The following NBPF26 variants were observed in gnomAD, a reference collection of about 807,000 sequenced individuals.
NBPF26 encodes NBPF member 26.
A neutral mutation model predicts 119.6 loss-of-function variants in NBPF26; 79 were observed. The observed-to-expected ratio is 0.66, with a 90% CI of 0.55 to 0.80. NBPF26 has a LOEUF of 0.80. Ranked by LOEUF, NBPF26 falls within the 30% of genes least tolerant of loss-of-function variation. The probability of loss-of-function intolerance (pLI) is 0.00; values close to 1 mark genes in which losing one functional copy is unlikely to be tolerated. For missense variants in NBPF26, 800 were observed against 1,198.2 expected (o/e 0.67, Z 4.91); for synonymous variants, 299 against 457.7 (o/e 0.65, Z 4.43).
chr1:120,805,390 G>A lies in NBPF26; in HGVS notation c.752-166G>A, dbSNP rs1553269610. 18 of 1,136,204 alleles carry A rather than the reference G, an allele frequency of 1.6e-5. 1 individual carries two copies. Among genetic ancestry groups the A allele is most frequent in the East Asian group, 1.0e-4 (4 of 39,874 alleles). The allele number at this position is 1,136,204 out of a possible 1,614,324, so 70.4% of individuals were successfully genotyped here. ...TTTCAGCTCTGAGTTGAGGCACCTC[G>A]AACCTTGTTTTTGTGGTGAAGGATC... On this transcript the variant is annotated intron_variant, in intron 4 of 29. Transcript: ENST00000620612.
chr1:120,822,997 C>T (rs1251461305), intron 16 of NBPF26, among the ~76,000 whole-genome samples: 2 of 125,472 alleles, frequency 1.6e-5, no homozygotes, highest in Admixed American at 7.7e-5. Context: ...AGTATCTCTC[C>T]TATGAGGTGT....
chr1:120,764,156 A>G lies in NBPF26; in HGVS notation c.155+447A>G, dbSNP rs1478320001. 1.8e-5 allele frequency among the ~76,000 whole-genome samples: 2 copies of G among 113,476 alleles called. 1 individual carries two copies. Among genetic ancestry groups the G allele is most frequent in the Non-Finnish European group, 3.4e-5 (2 of 59,284 alleles). The allele number at this position is 113,476 out of a possible 152,430, so 74.4% of individuals were successfully genotyped here. On this transcript the variant is annotated intron_variant, in intron 2 of 29. Coordinates refer to ENST00000620612, the Ensembl canonical transcript of NBPF26. ...CAGCTACTCGGGAGGCTGAGGCAGG[A>G]GAGTGACTTGAACCCAGGAGGCGGA...
chr1:120,815,320 G>A (rs1276607558), intron 12 of NBPF26, among the ~76,000 whole-genome samples: 1 of 117,050 alleles, frequency 8.5e-6, no homozygotes, highest in African/African-American at 5.0e-5. Flanking sequence ...AGGAGGCTGG[G>A]ATGGGAGCAG....
rs1651076719 is a variant in NBPF26 at position 120,756,020 on chromosome 1, T to C, written c.74-7608T>C. Among the ~76,000 whole-genome samples, 4 of 112,948 alleles carry C rather than the reference T, an allele frequency of 3.5e-5. 1 individual carries two copies. In the South Asian group the frequency reaches 1.0e-3, roughly 29 times the overall value. 74.1% of individuals were successfully genotyped at this position (112,948 alleles called of 152,430 possible). On this transcript the variant is annotated intron_variant, in intron 1 of 29. Coordinates refer to ENST00000620612, the Ensembl canonical transcript of NBPF26. Reference sequence around the variant, plus strand: ...TTTCTCCACTTCGTTTTTATTTAAATGTACCACTTGGGATTTGAAGCTTCC... The same window carrying C: ...TTTCTCCACTTCGTTTTTATTTAAACGTACCACTTGGGATTTGAAGCTTCC...
chr1:120,763,403 G>T (rs1651154066), intron 1 of NBPF26, among the ~76,000 whole-genome samples: 1 of 106,562 alleles, frequency 9.4e-6, no homozygotes. Context: ...AAAACACAGA[G>T]AAATAAGAGC....
At chr1:120,810,249 C>A in intron 8 of NBPF26, 98 bp from the exon 9 acceptor site, 2 of 1,404,280 alleles carry the variant, frequency 1.4e-6, no homozygotes. Flanking sequence ...TCTGGAACCA[C>A]TCTCTTAATG....
chr1:120,823,752 C>CTGTGTGTGTGTGTG (rs1177031452), intron 17 of NBPF26, among the ~76,000 whole-genome samples: 2,506 of 73,246 alleles, frequency 0.034, 273 homozygotes, highest in African/African-American at 0.1. Flanking sequence ...TGAGCTCGCT[C>CTGTGTGTGTGTGTG]TGTGTGTGTG....
rs1553269683 is a variant in NBPF26, at chr1:120,805,562, A to G, written c.758A>G (p.Asp253Gly). ...TTGGGTTTCTTCTCCCCAGTCCCTG[A>G]CTCCACCTCTTCTGCCACAAACGTC... Residue 253 changes from aspartate (D) to glycine (G), a missense_variant, in exon 5 of 30, where the codon GAC (aspartate) becomes GGC (glycine). Transcript: ENST00000620612. 2.0e-3 allele frequency: 2,828 copies of G among 1,407,822 alleles called. 829 individuals carry two copies. The African/African-American group carries it at 0.054, about 27-fold the overall frequency. The allele number at this position is 1,407,822 out of a possible 1,614,324, so 87.2% of individuals were successfully genotyped here. A position where few individuals can be genotyped will look rare whatever the true frequency, so the allele number is the denominator to read the frequency against.
At position 120,728,110 on chromosome 1, in the gene NBPF26, C is replaced by T. The variant is rs1414793764; in HGVS notation, c.73+3860C>T. Among the ~76,000 whole-genome samples the T allele has an allele frequency of 1.4e-4, 16 of 116,350 alleles. 5 individuals are homozygous for T. The highest frequency in any genetic ancestry group is 7.1e-4 in the African/African-American group (14 of 19,796). 76.3% of individuals were successfully genotyped at this position (116,350 alleles called of 152,430 possible). On this transcript the variant is annotated intron_variant, in intron 1 of 29. Transcript: ENST00000620612. ...GTTGCTTCCATCTCGTGTACAAATGCGCTTATGTGCACAAAAACTCTTATA... is the reference window on the plus strand; with the variant it reads ...GTTGCTTCCATCTCGTGTACAAATGTGCTTATGTGCACAAAAACTCTTATA...
At position 120,778,489 on chromosome 1, in the gene NBPF26, T is replaced by A. The variant is rs1427585241; in HGVS notation, c.156-6485T>A. ...CGTTCCACATTCTGTATAGTTTTTTTAAAAATCATGATTTTGAAATAGCTG... is the reference window on the plus strand; with the variant it reads ...CGTTCCACATTCTGTATAGTTTTTTAAAAAATCATGATTTTGAAATAGCTG... On this transcript the variant is annotated intron_variant, in intron 2 of 29. Transcript: ENST00000620612. 6.8e-5 allele frequency among the ~76,000 whole-genome samples: 7 copies of A among 102,786 alleles called. 2 individuals are homozygous for A. The highest frequency in any genetic ancestry group is 3.8e-4 in the Admixed American group (4 of 10,520). 67.4% of individuals were successfully genotyped at this position (102,786 alleles called of 152,430 possible).
intron 15 of NBPF26, 115 bp from the exon 16 acceptor site, chr1:120,821,988 GC>G (rs1652127771): frequency 8.9e-7 from 1 of 1,126,548 alleles, no homozygotes; most frequent in African/African-American, 2.6e-5. Context: ...AAGGAAAAAT[GC>G]CTTTGGTTTC....
At position 120,770,849 on chromosome 1, in the gene NBPF26, G is replaced by A. The variant is rs1280776124; in HGVS notation, c.155+7140G>A. Among the ~76,000 whole-genome samples, 4 of 116,858 alleles carry A rather than the reference G, an allele frequency of 3.4e-5. 1 individual carries two copies. Among genetic ancestry groups the A allele is most frequent in the African/African-American group, 2.0e-4 (4 of 20,112 alleles). 76.7% of individuals were successfully genotyped at this position (116,858 alleles called of 152,430 possible). The stretch of plus-strand genomic sequence containing the variant: ...TGGAACATTTGAAAGTATACAAAAA[G>A]GGGACTTTTCAGATCAGGAATATGA... On this transcript the variant is annotated intron_variant, in intron 2 of 29. Coordinates refer to ENST00000620612, the Ensembl canonical transcript of NBPF26.
rs1344473212 is a variant in NBPF26, at chr1:120,778,097, G to A, written c.156-6877G>A. Among the ~76,000 whole-genome samples, 16 of 85,278 alleles carry A rather than the reference G, an allele frequency of 1.9e-4. 3 individuals are homozygous for A. The South Asian group carries it at 4.3e-3, about 23-fold the overall frequency. 55.9% of individuals were successfully genotyped at this position (85,278 alleles called of 152,430 possible). ...TATCTACTTTAACAGGGGGGACAGA[G>A]TAGGGGGGCAGGAAACTAAGCTGGC... On this transcript the variant is annotated intron_variant, in intron 2 of 29. Transcript: ENST00000620612.
rs1651937473 is a variant in NBPF26, at chr1:120,813,878, T to C, written c.1775-13T>C. ...AGCCTTCCACTGAGGCAGGTGTGTCTGTCTTTTCTCAGAATATGAAGAGTG... is the reference window on the plus strand; with the variant it reads ...AGCCTTCCACTGAGGCAGGTGTGTCCGTCTTTTCTCAGAATATGAAGAGTG... On this transcript the variant is annotated splice_polypyrimidine_tract_variant and intron_variant, in intron 10 of 29. Coordinates refer to ENST00000620612, the Ensembl canonical transcript of NBPF26. 2.0e-5 allele frequency: 30 copies of C among 1,464,942 alleles called. 4 individuals carry two copies. The South Asian group carries it at 2.7e-4, about 13-fold the overall frequency. The allele number at this position is 1,464,942 out of a possible 1,614,324, so 90.7% of individuals were successfully genotyped here.
rs1195137305 is a variant in NBPF26, at chr1:120,840,283, A to C, written c.4104-67A>C. 1.1e-5 allele frequency: 16 copies of C among 1,443,892 alleles called. 5 individuals are homozygous for C. The African/African-American group carries it at 3.3e-4, about 30-fold the overall frequency. 89.4% of individuals were successfully genotyped at this position (1,443,892 alleles called of 1,614,324 possible). A position where few individuals can be genotyped will look rare whatever the true frequency, so the allele number is the denominator to read the frequency against. On this transcript the variant is annotated intron_variant, in intron 29 of 29. Transcript: ENST00000620612. ...AACCACTTCCTTATGTTACTTCTGA[A>C]ATCTAGTGGGGCTCTGTGGTGTCCG...
At chr1:120,727,302 T>G (rs1427172162) in intron 1 of NBPF26, among the ~76,000 whole-genome samples, 1 of 103,264 alleles carries the variant, frequency 9.7e-6, no homozygotes, top group Non-Finnish European at 1.8e-5. Flanking sequence ...ACATTTTTTT[T>G]TACCTTCAGG....
rs1188997962 is a variant in NBPF26, at chr1:120,817,152, G to A, written c.2371+325G>A. The stretch of plus-strand genomic sequence containing the variant: ...ATTAAGTCATCTGTCCCTGAACAAT[G>A]TCCATGGAGTTTCTATGCCTGTTTA... On this transcript the variant is annotated intron_variant, in intron 14 of 29. Coordinates refer to ENST00000620612, the Ensembl canonical transcript of NBPF26. 6.0e-5 allele frequency among the ~76,000 whole-genome samples: 7 copies of A among 116,444 alleles called. 2 individuals carry two copies. Among genetic ancestry groups the A allele is most frequent in the African/African-American group, 1.5e-4 (3 of 19,816 alleles). The allele number at this position is 116,444 out of a possible 152,430, so 76.4% of individuals were successfully genotyped here.
intron 2 of NBPF26, among the ~76,000 whole-genome samples, chr1:120,776,305 A>G (rs1651306298): frequency 9.5e-6 from 1 of 105,092 alleles, no homozygotes; most frequent in Non-Finnish European, 1.8e-5. Flanking sequence ...GACTTAATGA[A>G]ATTTTAGGGC....
At chr1:120,842,153 T>G (rs1271480403), downstream of NBPF26, among the ~76,000 whole-genome samples, 78 of 109,358 alleles carry the variant, frequency 7.1e-4, 11 homozygotes, top group Non-Finnish European at 8.2e-4. Context: ...TGTTATAATA[T>G]TTGATTATGC....
Sources: allele counts gnomAD v4.1 joint callset (sites outside exome capture counted in the v4.1 genomes callset), GRCh38; gene constraint gnomAD v4.1.1; transcripts MANE v1.5; gene names NCBI Gene and HGNC (gene_info 2026-07-23, HGNC 2026-07-21).